ALMS1: variants seen among roughly 807,000 people sequenced by gnomAD.
ALMS1 encodes ALMS1 centrosome and basal body associated protein.
ALMS1 carries 271 observed loss-of-function variants against 352.2 expected under a neutral mutation model. The ratio of observed to expected loss-of-function variants is 0.77; its 90% CI spans 0.70 to 0.85. ALMS1 has a LOEUF of 0.85. Among genes scored for constraint, ALMS1 ranks in the 40% least tolerant of loss-of-function variants. ALMS1 has a pLI of 0.00. For synonymous variants in ALMS1, 1,865 were observed against 1,761.2 expected (o/e 1.06, Z -1.48); for missense variants, 5,445 against 4,870.7 (o/e 1.12, Z -3.51).
At chr2:73,464,280 G>A (rs1022702934) in intron 9 of ALMS1, among the ~76,000 whole-genome samples, 8 of 152,176 alleles carry the variant, frequency 5.3e-5, no homozygotes, top group African/African-American at 1.7e-4. Context: ...GGGATGCAAG[G>A]CTGGTTCAAC....
rs898919846 is a variant in ALMS1, at chr2:73,452,007, G to C, written c.5480G>C (p.Gly1827Ala). The change falls in exon 8 of 23, where the codon GGT (glycine) becomes GCT (alanine). Residue 1827 changes from glycine to alanine, a missense_variant. By Grantham distance (60) the Gly-to-Ala change is moderately conservative. Coordinates refer to ENST00000613296, the MANE Select transcript of ALMS1 (RefSeq NM_001378454.1). ...GAGTTGCCGCATTTTACTGAAGCAG[G>C]TTTGAAAATTTTAAGAGTTCCTGGA... ...QRELPHFTEA[G>A]LKILRVPGPA... 28 of 1,612,416 alleles carry C rather than the reference G, an allele frequency of 1.7e-5. No individual in the cohort carries two copies. Among genetic ancestry groups the C allele is most frequent in the Non-Finnish European group, 2.2e-5 (26 of 1,179,448 alleles).
In ALMS1 at chr2:73,490,442, C is replaced by T. The variant is rs751296181; in HGVS notation, c.8483C>T (p.Ala2828Val). ...TGSHSEPSTR[A>V]NCSNFKEIQI... ...AGTCATTCTGAGCCCAGTACCAGGG[C>T]AAATTGTAGCAATTTCAAGGAAATT... is the stretch of plus-strand genomic sequence containing the variant. Residue 2828 changes from alanine (A) to valine (V), a missense_variant, in exon 10 of 23, where the codon GCA becomes GTA. Physicochemically the swap from Ala to Val is moderately conservative, Grantham distance 64 (BLOSUM62 0). Coordinates refer to ENST00000613296, the MANE Select transcript of ALMS1 (RefSeq NM_001378454.1). 5 of 1,614,186 alleles carry T rather than the reference C, an allele frequency of 3.1e-6. No homozygotes were observed. The highest frequency in any genetic ancestry group is 4.2e-6 in the Non-Finnish European group (5 of 1,180,040).
At chr2:73,467,547 AT>A (rs1439399845) in intron 9 of ALMS1, among the ~76,000 whole-genome samples, 1 of 152,114 alleles carries the variant, frequency 6.6e-6, no homozygotes, top group Non-Finnish European at 1.5e-5. Flanking sequence ...ATTTATAGTT[AT>A]TTCATAATGG....
chr2:73,554,572 G>A lies in ALMS1; in HGVS notation c.10079-2648G>A, dbSNP rs980653598. Reference sequence around the variant, plus strand: ...TACAAAAAAAAAAAAAATTAGCCGGGCGTGGTGGCGGGCGCCTGTAGTCCC... The same window carrying A: ...TACAAAAAAAAAAAAAATTAGCCGGACGTGGTGGCGGGCGCCTGTAGTCCC... On this transcript the variant is annotated intron_variant, in intron 13 of 22. Coordinates refer to ENST00000613296, the MANE Select transcript of ALMS1 (RefSeq NM_001378454.1). 3.9e-5 allele frequency among the ~76,000 whole-genome samples: 6 copies of A among 152,046 alleles called. No individual in the cohort carries two copies. The East Asian group carries it at 7.7e-4, about 20-fold the overall frequency.
Position 73,395,056 on chromosome 2 carries a change from ATGTGTATATATATATATATATATTTT to A in ALMS1, c.324+8866_324+8891del, listed in dbSNP as rs1207035318. On this transcript the variant is annotated intron_variant, in intron 1 of 22. Transcript: ENST00000613296. ...TATATATGTGTGTGTATATATATAT[ATGTGTATATATATATATATATATTTT>A]TTTTTTTTTTTTTTTTTGAGACAGA... Among the ~76,000 whole-genome samples the A allele has an allele frequency of 1.3e-4, 13 of 100,744 alleles. No individual in the cohort carries two copies. The East Asian group carries it at 2.9e-3, about 22-fold the overall frequency. The allele number at this position is 100,744 out of a possible 152,430, so 66.1% of individuals were successfully genotyped here.
intron 2 of ALMS1, among the ~76,000 whole-genome samples, chr2:73,417,616 G>A (rs529053444): frequency 1.4e-4 from 21 of 151,848 alleles, no homozygotes; most frequent in African/African-American, 4.8e-4. Flanking sequence ...AGGATTAAGC[G>A]CTTTAGCCCA....
intron 10 of ALMS1, among the ~76,000 whole-genome samples, chr2:73,498,509 T>TG (rs1673154693): frequency 7.1e-6 from 1 of 140,154 alleles, no homozygotes; most frequent in South Asian, 2.1e-4. Context: ...ATTCTTTCTA[T>TG]TTTGTGTGTG....
At chr2:73,467,445 G>C (rs1171891776) in intron 9 of ALMS1, among the ~76,000 whole-genome samples, 1 of 151,978 alleles carries the variant, frequency 6.6e-6, no homozygotes, top group Non-Finnish European at 1.5e-5. Context: ...AAATTAAAAA[G>C]AACAATGCTA....
At chr2:73,487,118 C>T (rs1451553519) in intron 9 of ALMS1, among the ~76,000 whole-genome samples, 1 of 152,188 alleles carries the variant, frequency 6.6e-6, no homozygotes, top group Non-Finnish European at 1.5e-5. Context: ...AAGCTGGAAA[C>T]CACTGTGGCC....
At position 73,519,834 on chromosome 2, in the gene ALMS1, C is replaced by G; in HGVS notation, c.9599C>G (p.Ala3200Gly). 1 of 1,613,738 alleles carries G rather than the reference C, an allele frequency of 6.2e-7. No homozygotes were observed. Among genetic ancestry groups the G allele is most frequent in the South Asian group, 1.1e-5 (1 of 91,062 alleles). Reference sequence around the variant, plus strand: ...TTCTCTGAAAAATTGTCATCTGATGCAGTCACTCAGATAACAACAGAAAGT... The same window carrying G: ...TTCTCTGAAAAATTGTCATCTGATGGAGTCACTCAGATAACAACAGAAAGT... ...SAFSEKLSSD[A>G]VTQITTESPE... The change falls in exon 11 of 23, where the codon GCA becomes GGA. Residue 3200 changes from alanine (A) to glycine (G), a missense_variant. Coordinates refer to ENST00000613296, the MANE Select transcript of ALMS1 (RefSeq NM_001378454.1).
intron 15 of ALMS1, among the ~76,000 whole-genome samples, chr2:73,562,616 G>T (rs536165177): frequency 1.3e-5 from 2 of 152,256 alleles, no homozygotes; most frequent in Admixed American, 1.3e-4. Flanking sequence ...GGCCAGACGC[G>T]GTGGCTCATG....
chr2:73,496,576 A>G (rs1673112715), intron 10 of ALMS1, among the ~76,000 whole-genome samples: 1 of 152,168 alleles, frequency 6.6e-6, no homozygotes, highest in Non-Finnish European at 1.5e-5. Flanking sequence ...TCTCTACAGT[A>G]AATACTAAGA....
intron 9 of ALMS1, among the ~76,000 whole-genome samples, chr2:73,478,370 A>G (rs1434434095): frequency 6.6e-6 from 1 of 152,196 alleles, no homozygotes; most frequent in Admixed American, 6.5e-5. Context: ...CAATGGGAGG[A>G]GGTAGAGCAT....
At chr2:73,531,525 C>T (rs1365705929) in intron 11 of ALMS1, among the ~76,000 whole-genome samples, 1 of 152,192 alleles carries the variant, frequency 6.6e-6, no homozygotes, top group African/African-American at 2.4e-5. Context: ...TAGAATGTTC[C>T]AGACTTTCCC....
chr2:73,398,671 C>T (rs1214212410), intron 1 of ALMS1, among the ~76,000 whole-genome samples: 1 of 152,060 alleles, frequency 6.6e-6, no homozygotes, highest in African/African-American at 2.4e-5. Context: ...TAGATTTATA[C>T]CTAAATATTT....
chr2:73,472,922 GTA>G (rs1488486109), intron 9 of ALMS1, among the ~76,000 whole-genome samples: 1 of 152,062 alleles, frequency 6.6e-6, no homozygotes, highest in Non-Finnish European at 1.5e-5. Flanking sequence ...AAAAGCCAGA[GTA>G]TCAGCTGTAG....
intron 16 of ALMS1, among the ~76,000 whole-genome samples, chr2:73,582,989 C>T (rs1675217868): frequency 6.6e-6 from 1 of 151,958 alleles, no homozygotes; most frequent in Non-Finnish European, 1.5e-5. Flanking sequence ...TTTTGCAATG[C>T]CACCAACAAT....
At chr2:73,528,175 C>G (rs538213784) in intron 11 of ALMS1, among the ~76,000 whole-genome samples, 7 of 152,148 alleles carry the variant, frequency 4.6e-5, no homozygotes, top group Non-Finnish European at 5.9e-5. Flanking sequence ...AAAATATGAC[C>G]TGTCCTTGAG....
rs1267539591 is a variant in ALMS1 at position 73,448,982 on chromosome 2, G to A, written c.2455G>A (p.Val819Ile). Residue 819 changes from valine (V) to isoleucine (I), a missense_variant, in exon 8 of 23, where the codon GTT (valine) becomes ATT (isoleucine). Transcript: ENST00000613296. ...SAYSHREKLL[V>I]FYQQALLDSH... is the part of the protein sequence containing the mutation. Reference sequence around the variant, plus strand: ...ATACTCACACAGAGAGAAGCTCCTTGTTTTCTACCAACAGGCCTTGCTGGA... The same window carrying A: ...ATACTCACACAGAGAGAAGCTCCTTATTTTCTACCAACAGGCCTTGCTGGA... The A allele has an allele frequency of 1.9e-6, 3 of 1,613,472 alleles. No individual in the cohort carries two copies. The South Asian group carries it at 3.3e-5, about 18-fold the overall frequency.
Sources: gnomAD v4.1 joint callset for allele counts (sites outside exome capture counted in the v4.1 genomes callset) on GRCh38, gnomAD v4.1.1 for gene constraint, MANE v1.5 for transcripts, NCBI Gene and HGNC (gene_info 2026-07-23, HGNC 2026-07-21) for gene names.